The following FSTL4 variants were observed in gnomAD, a reference collection of about 807,000 sequenced individuals.
FSTL4 encodes the protein follistatin-related protein 4.
FSTL4 carries 28 observed loss-of-function variants against 78.2 expected under a neutral mutation model. The ratio of observed to expected loss-of-function variants is 0.36; its 90% CI spans 0.27 to 0.49. The LOEUF (loss-of-function observed/expected upper bound fraction) is 0.49, where lower values mean the gene tolerates loss of function less well. Ranked by LOEUF, FSTL4 falls within the 20% of genes least tolerant of loss-of-function variation. The probability of loss-of-function intolerance (pLI) is 0.98; values close to 1 mark genes in which losing one functional copy is unlikely to be tolerated. For synonymous variants in FSTL4, 422 were observed against 440.5 expected, an observed-to-expected ratio of 0.96 and a Z score of 0.53; for missense variants, 922 against 1,084.9, an observed-to-expected ratio of 0.85 and a Z score of 2.11.
the FSTL4 span, among the ~76,000 whole-genome samples, chr5:133,628,289 C>A: frequency 6.6e-6 from 1 of 151,604 alleles, no homozygotes; most frequent in Non-Finnish European, 1.5e-5. Context: ...GAGACAGAGA[C>A]ACAAAAAACC....
the FSTL4 span, among the ~76,000 whole-genome samples, chr5:133,807,057 A>G: frequency 6.6e-5 from 10 of 152,356 alleles, no homozygotes; most frequent in Middle Eastern, 3.4e-3. Context: ...ATTCATGAGC[A>G]TTCCAGCAAC....
rs138241638 is a variant in FSTL4 at position 133,251,641 on chromosome 5, G to C, written c.728-2065C>G. Among the ~76,000 whole-genome samples the C allele has an allele frequency of 3.5e-3, 535 of 152,146 alleles. 3 individuals are homozygous for C. The highest frequency in any genetic ancestry group is 0.012 in the African/African-American group (516 of 41,492). ...TAGTCAGAGAGATGGATTTGCAACC[G>C]GTCTCCCATTTCCAGGCTGATGTCA... On this transcript the variant is annotated intron_variant, in intron 6 of 15. Transcript: ENST00000265342.
the FSTL4 span, among the ~76,000 whole-genome samples, chr5:133,731,202 A>G: frequency 1.5e-4 from 23 of 152,254 alleles, no homozygotes; most frequent in East Asian, 4.4e-3. Flanking sequence ...TGATCAAGTC[A>G]TCTGTGTCCA....
chr5:133,507,630 C>G (rs1758636481), intron 3 of FSTL4, among the ~76,000 whole-genome samples: 1 of 151,282 alleles, frequency 6.6e-6, no homozygotes, highest in Admixed American at 6.6e-5. Context: ...TCAAGAGACT[C>G]TCCTGCCTCA....
the FSTL4 span, among the ~76,000 whole-genome samples, chr5:133,721,822 C>T: frequency 6.6e-6 from 1 of 152,170 alleles, no homozygotes; most frequent in Non-Finnish European, 1.5e-5. Context: ...TCATATCGCT[C>T]TGAAAACCTA....
At chr5:133,497,918 G>A (rs529772084) in intron 3 of FSTL4, among the ~76,000 whole-genome samples, 9 of 152,234 alleles carry the variant, frequency 5.9e-5, no homozygotes, top group African/African-American at 1.2e-4. Context: ...TCTGCTGAAC[G>A]CATACTAAGT....
At chr5:133,742,113 C>T in the FSTL4 span, among the ~76,000 whole-genome samples, 2 of 152,244 alleles carry the variant, frequency 1.3e-5, no homozygotes, top group Non-Finnish European at 2.9e-5. Flanking sequence ...GACCCCTGCA[C>T]CCTCTTACCC....
At chr5:133,663,003 T>C in the FSTL4 span, among the ~76,000 whole-genome samples, 1 of 152,182 alleles carries the variant, frequency 6.6e-6, no homozygotes, top group African/African-American at 2.4e-5. Flanking sequence ...GCTTACATAT[T>C]GTACAATTCC....
chr5:133,523,021 C>T (rs1759014136), intron 3 of FSTL4, among the ~76,000 whole-genome samples: 1 of 139,872 alleles, frequency 7.1e-6, no homozygotes, highest in East Asian at 2.5e-4. Flanking sequence ...ATGTTAAAAT[C>T]CTAACCCCAG....
At chr5:133,668,819 G>A in the FSTL4 span, among the ~76,000 whole-genome samples, 4 of 152,176 alleles carry the variant, frequency 2.6e-5, no homozygotes, top group Non-Finnish European at 5.9e-5. Context: ...ATGAGCCCAG[G>A]CCCATCAGGC....
At position 133,588,217 on chromosome 5, in the gene FSTL4, A is replaced by G. The variant is rs1328782551; in HGVS notation, c.126+15641T>C. 3.4e-5 allele frequency among the ~76,000 whole-genome samples: 4 copies of G among 115,992 alleles called. 1 individual carries two copies. The South Asian group carries it at 1.3e-3, about 38-fold the overall frequency. The allele number at this position is 115,992 out of a possible 152,430, so 76.1% of individuals were successfully genotyped here. ...ACCTAGGCATTACCTTTCAGGACAT[A>G]GGCGTGGGCAAGGACTTCATGTCCA... On this transcript the variant is annotated intron_variant, in intron 2 of 15. Coordinates refer to ENST00000265342, the MANE Select transcript of FSTL4 (RefSeq NM_015082.2).
chr5:133,650,660 C>T, the FSTL4 span, among the ~76,000 whole-genome samples: 1 of 152,148 alleles, frequency 6.6e-6, no homozygotes, highest in Non-Finnish European at 1.5e-5. Flanking sequence ...TGTTCTTTCA[C>T]CAGTAAAACA....
At chr5:133,618,542 C>G in the FSTL4 span, among the ~76,000 whole-genome samples, 22 of 152,312 alleles carry the variant, frequency 1.4e-4, no homozygotes, top group Non-Finnish European at 1.5e-4. Context: ...GATGTCTAAC[C>G]CATTATCGTC....
chr5:133,634,389 TC>T, the FSTL4 span, among the ~76,000 whole-genome samples: 1 of 133,332 alleles, frequency 7.5e-6, no homozygotes, highest in Non-Finnish European at 1.7e-5. Context: ...TTTCTCTCTC[TC>T]TCTTTTTTTT....
chr5:133,705,806 T>C, the FSTL4 span, among the ~76,000 whole-genome samples: 7 of 151,654 alleles, frequency 4.6e-5, no homozygotes, highest in Non-Finnish European at 7.4e-5. Flanking sequence ...AGGATCCAAA[T>C]CAAGTTGCTT....
chr5:133,401,635 T>C (rs545944368), intron 3 of FSTL4, among the ~76,000 whole-genome samples: 2 of 152,190 alleles, frequency 1.3e-5, no homozygotes, highest in African/African-American at 4.8e-5. Context: ...GTGACATGTA[T>C]GCAGATCAGG....
At chr5:133,748,205 A>G in the FSTL4 span, among the ~76,000 whole-genome samples, 1 of 138,938 alleles carries the variant, frequency 7.2e-6, no homozygotes, top group Non-Finnish European at 1.5e-5. Context: ...AAAAAGAAGA[A>G]GAAAAAAAAA....
the FSTL4 span, among the ~76,000 whole-genome samples, chr5:133,652,434 T>C: frequency 0.12 from 18,346 of 152,138 alleles, 1,201 homozygotes; most frequent in Admixed American, 0.23. Context: ...TCTCACAAAT[T>C]TTGATAAGTT....
chr5:133,830,419 G>A, the FSTL4 span, among the ~76,000 whole-genome samples: 1 of 152,188 alleles, frequency 6.6e-6, no homozygotes, highest in Non-Finnish European at 1.5e-5. Flanking sequence ...ACCGCATGGA[G>A]GAAGTGGGGG....
Sources: gnomAD v4.1 joint callset for allele counts (sites outside exome capture counted in the v4.1 genomes callset) on GRCh38, gnomAD v4.1.1 for gene constraint, MANE v1.5 for transcripts, NCBI Gene and HGNC (gene_info 2026-07-23, HGNC 2026-07-21) for gene names.